Variants in RGS20 observed in about 807,000 individuals in gnomAD.
RGS20 encodes gz-selective GTPase-activating protein.
In RGS20, 30 loss-of-function variants were observed where a neutral mutation model predicts 33.6. The ratio of observed to expected loss-of-function variants is 0.89; its 90% CI spans 0.67 to 1.21. The LOEUF is 1.21. RGS20 is among the 50% of genes most tolerant of loss of function. The pLI is 0.00. For missense variants in RGS20, 472 were observed against 502.4 expected, an observed-to-expected ratio of 0.94 and a Z score of 0.58; for synonymous variants, 208 against 197.9, an observed-to-expected ratio of 1.05 and a Z score of -0.43.
At chr8:53,911,437 C>T (rs151298313) in intron 2 of RGS20, among the ~76,000 whole-genome samples, 1,673 of 152,190 alleles carry the variant, frequency 0.011, 14 homozygotes, top group Non-Finnish European at 0.018. Context: ...AAATGAGTTA[C>T]GGTGCATAAC....
At chr8:53,881,060 G>A (rs777092826) in intron 2 of RGS20, 3 of 1,486,172 alleles carry the variant, frequency 2.0e-6, no homozygotes, top group African/African-American at 1.5e-5. Context: ...CTTCCTCCCC[G>A]GCCGGCAGGG....
chr8:53,882,035 G>C (rs1294272246), intron 2 of RGS20, among the ~76,000 whole-genome samples: 1 of 152,086 alleles, frequency 6.6e-6, no homozygotes, highest in Non-Finnish European at 1.5e-5. Context: ...GGGCCTCTAG[G>C]GAAGCGGCGC....
rs1812235336 is a variant in RGS20 at position 53,877,474 on chromosome 8, T to A, written c.166-1784T>A. ...CCCAAGCCCCAGCCGGAGGGGCGCG[T>A]CCCCTGTCCTCCTCCCGAGCGAGAC... On this transcript the variant is annotated intron_variant, in intron 1 of 5. Coordinates refer to ENST00000297313, the MANE Select transcript of RGS20 (RefSeq NM_170587.4). The surrounding 1 kb of genome is among the most constrained non-coding windows in gnomAD (Gnocchi z 5.7). Among the ~76,000 whole-genome samples the A allele has an allele frequency of 6.6e-6, 1 of 152,128 alleles. No homozygotes were observed. The highest frequency in any genetic ancestry group is 2.4e-5 in the African/African-American group (1 of 41,436).
intron 2 of RGS20, among the ~76,000 whole-genome samples, chr8:53,887,715 G>A (rs188481204): frequency 4.6e-5 from 7 of 152,206 alleles, no homozygotes; most frequent in African/African-American, 9.7e-5. Flanking sequence ...GGTGGCTCAC[G>A]CCTGTAATTC....
Position 53,939,675 on chromosome 8 carries a change from G to C in RGS20, c.610G>C (p.Gly204Arg). Residue 204 changes from glycine to arginine, a missense_variant, in exon 3 of 6, where the codon GGG becomes CGG. By Grantham distance (125) the Gly-to-Arg change is moderately radical (BLOSUM62 -2). This residue lies in a region of RGS20 where 319 missense variants were observed against 283.4 expected (regional missense o/e 1.13). Coordinates refer to ENST00000297313, the MANE Select transcript of RGS20 (RefSeq NM_170587.4). ...AGGCCAGCCCGGAGCGGGGAGTCGC[G>C]GGTCCAACGCATGCTGCTTCTGCTG... The C allele has an allele frequency of 6.3e-7, 1 of 1,576,906 alleles. No individual in the cohort carries two copies. The highest frequency in any genetic ancestry group is 8.6e-7 in the Non-Finnish European group (1 of 1,161,438).
Position 53,852,056 on chromosome 8 carries a change from GAT to G in RGS20, c.160_161del (p.Ile54GlnfsTer23). The G allele has an allele frequency of 6.2e-7, 1 of 1,610,130 alleles. No homozygotes were observed. The highest frequency in any genetic ancestry group is 8.5e-7 in the Non-Finnish European group (1 of 1,177,676). On this transcript the variant is annotated frameshift_variant, in exon 1 of 6. Coordinates refer to ENST00000297313, the MANE Select transcript of RGS20 (RefSeq NM_170587.4). LOFTEE classifies it high-confidence loss of function. ...TGAAGGAGACCTCAGGGCTGTTCCTGATATCAAGGTAAGGTGATTTCCACAAT... is the reference window on the plus strand; with the variant it reads ...TGAAGGAGACCTCAGGGCTGTTCCTGATCAAGGTAAGGTGATTTCCACAAT...
intron 2 of RGS20, among the ~76,000 whole-genome samples, chr8:53,903,526 G>C (rs1215175474): frequency 1.3e-5 from 2 of 152,198 alleles, no homozygotes; most frequent in African/African-American, 4.8e-5. Context: ...AAGCCACAAA[G>C]AGCAAACTGG....
In RGS20 at chr8:53,879,382, C is replaced by A. The variant is rs144772329; in HGVS notation, c.290C>A (p.Ala97Asp). The stretch of plus-strand genomic sequence containing the variant: ...CTTCTCCGGCGACCCCCTCCCGAGG[C>A]TCCCCGGAGGCGCCTGGACTTCTCC... The change falls in exon 2 of 6, where the codon GCT (alanine) becomes GAT (aspartate). Residue 97 changes from alanine (A) to aspartate (D), a missense_variant. Ala to Asp is a moderately radical substitution (Grantham distance 126). Around this residue, in one of 3 missense-constraint regions of RGS20, gnomAD observed 319 missense variants for 283.4 expected, o/e 1.13. Transcript: ENST00000297313. 229 of 1,611,398 alleles carry A rather than the reference C, an allele frequency of 1.4e-4. No homozygotes were observed. Among genetic ancestry groups the A allele is most frequent in the African/African-American group, 1.4e-3 (105 of 75,022 alleles).
At chr8:53,944,296 T>C (rs1452084239) in intron 3 of RGS20, among the ~76,000 whole-genome samples, 3 of 152,096 alleles carry the variant, frequency 2.0e-5, no homozygotes, top group Non-Finnish European at 4.4e-5. Context: ...TCCCAACACT[T>C]TGGGAGGCCG....
chr8:53,865,721 C>T lies in RGS20; in HGVS notation c.166-13537C>T, dbSNP rs571241947. ...TCCTGGGCTCAAGCTGTTCTCATGC[C>T]TCAGCCTCCTGAGTAGCTGAGATGA... On this transcript the variant is annotated intron_variant, in intron 1 of 5. Coordinates refer to ENST00000297313, the MANE Select transcript of RGS20 (RefSeq NM_170587.4). 1.4e-3 allele frequency among the ~76,000 whole-genome samples: 211 copies of T among 152,324 alleles called. 2 individuals carry two copies. The highest frequency in any genetic ancestry group is 4.6e-3 in the African/African-American group (191 of 41,558).
intron 1 of RGS20, among the ~76,000 whole-genome samples, chr8:53,867,885 T>C (rs1224330939): frequency 6.6e-6 from 1 of 151,832 alleles, no homozygotes; most frequent in Non-Finnish European, 1.5e-5. Flanking sequence ...ACCACACCTG[T>C]CTAATTTTTT....
chr8:53,942,598 A>G (rs1040450593), intron 3 of RGS20, among the ~76,000 whole-genome samples: 7 of 152,210 alleles, frequency 4.6e-5, no homozygotes, highest in African/African-American at 1.7e-4. Flanking sequence ...ATGGTTCTAA[A>G]GGGTATAGAC....
intron 3 of RGS20, among the ~76,000 whole-genome samples, chr8:53,943,428 T>TTTGCTTTCTAGTAAGTTTTC (rs1814366438): frequency 6.6e-6 from 1 of 152,188 alleles, no homozygotes; most frequent in Non-Finnish European, 1.5e-5. Context: ...ATAAAGTTTT[T>TTTGCTTTCTAGTAAGTTTTC]TTCCTTTCTA....
Position 53,880,866 on chromosome 8 carries a change from G to A in RGS20, c.510+1264G>A. The A allele has an allele frequency of 6.9e-7, 1 of 1,440,518 alleles. No homozygotes were observed. The highest frequency in any genetic ancestry group is 1.3e-5 in the South Asian group (1 of 75,298). The allele number at this position is 1,440,518 out of a possible 1,614,324, so 89.2% of individuals were successfully genotyped here. On this transcript the variant is annotated intron_variant, in intron 2 of 5. Coordinates refer to ENST00000297313, the MANE Select transcript of RGS20 (RefSeq NM_170587.4). ...GGTAAAAGGAGTGAGGGGGCGGGGAGGAGGCAGAGCAAGGGGAGGAAGAGG... is the reference window on the plus strand; with the variant it reads ...GGTAAAAGGAGTGAGGGGGCGGGGAAGAGGCAGAGCAAGGGGAGGAAGAGG...
intron 2 of RGS20, among the ~76,000 whole-genome samples, chr8:53,889,242 G>A (rs184345899): frequency 3.3e-4 from 50 of 152,110 alleles, no homozygotes; most frequent in Admixed American, 3.1e-3. Context: ...TCTGGTGGCT[G>A]TGTAGTGGTA....
At chr8:53,918,841 A>C (rs2129285732) in intron 2 of RGS20, among the ~76,000 whole-genome samples, 1 of 152,302 alleles carries the variant, frequency 6.6e-6, no homozygotes. Context: ...CTTTGTGACC[A>C]TTATGTATAA....
At chr8:53,942,658 A>G (rs769734574) in intron 3 of RGS20, among the ~76,000 whole-genome samples, 5 of 152,060 alleles carry the variant, frequency 3.3e-5, no homozygotes, top group African/African-American at 4.8e-5. Flanking sequence ...CCACTACCAT[A>G]CAGCACTTAA....
intron 2 of RGS20, among the ~76,000 whole-genome samples, chr8:53,902,658 AATAGG>A (rs1813062200): frequency 6.6e-6 from 1 of 152,234 alleles, no homozygotes; most frequent in South Asian, 2.1e-4. Context: ...TACACTGACC[AATAGG>A]TTATGGATAC....
chr8:53,920,886 G>A (rs568749402), intron 2 of RGS20, among the ~76,000 whole-genome samples: 1 of 152,178 alleles, frequency 6.6e-6, no homozygotes, highest in Non-Finnish European at 1.5e-5. Flanking sequence ...AGCCTCCTGA[G>A]TAGCTGGGAT....
Sources: gnomAD v4.1 joint callset for allele counts (sites outside exome capture counted in the v4.1 genomes callset) on GRCh38, gnomAD v4.1.1 for gene constraint, gnomAD v4.1.1 regional missense constraint, Gnocchi (gnomAD v3.1) non-coding constraint, MANE v1.5 for transcripts, NCBI Gene and HGNC (gene_info 2026-07-23, HGNC 2026-07-21) for gene names.